Variants in TMPRSS9 observed in about 807,000 individuals in gnomAD.
The protein encoded by TMPRSS9 is transmembrane protease serine 9.
A neutral mutation model predicts 111.4 loss-of-function variants in TMPRSS9; 113 were observed. That is an observed-to-expected ratio of 1.01 (90% confidence interval 0.87 to 1.19). The LOEUF is 1.19. TMPRSS9 is among the 50% of genes most tolerant of loss of function. The pLI is 0.00. For missense variants in TMPRSS9, 1,803 were observed against 1,513.1 expected, an observed-to-expected ratio of 1.19 and a Z score of -3.18; for synonymous variants, 805 against 659.1, an observed-to-expected ratio of 1.22 and a Z score of -3.39.
At chr19:2,377,222 C>A (rs188103397) in intron 1 of TMPRSS9, among the ~76,000 whole-genome samples, 1 of 142,936 alleles carries the variant, frequency 7.0e-6, no homozygotes, top group African/African-American at 2.8e-5. Context: ...GTCAGTTCCT[C>A]GTACTTTCTT....
rs1251398413 is a variant in TMPRSS9 at position 2,396,672 on chromosome 19, G to A, written c.270+6G>A. 1.2e-5 allele frequency: 19 copies of A among 1,603,646 alleles called. No homozygotes were observed. The East Asian group carries it at 4.3e-4, about 36-fold the overall frequency. On this transcript the variant is annotated splice_donor_region_variant and intron_variant, in intron 2 of 17. Coordinates refer to ENST00000648592, the Ensembl canonical transcript of TMPRSS9. The stretch of plus-strand genomic sequence containing the variant: ...CGCCCACCCTGGAGGCACTGGTGAG[G>A]GTGGTCTGTGTTTGGGGGCCAGGGA...
At chr19:2,402,521 C>G (rs1970872400) in intron 5 of TMPRSS9, among the ~76,000 whole-genome samples, 1 of 151,988 alleles carries the variant, frequency 6.6e-6, no homozygotes, top group Non-Finnish European at 1.5e-5. Flanking sequence ...GGGTGGATCA[C>G]CTGAGGTCAG....
exon 12 of TMPRSS9, chr19:2,416,603 C>A (rs146529608): frequency 2.2e-5 from 35 of 1,612,420 alleles, no homozygotes; most frequent in African/African-American, 4.0e-5. Context: ...GGCGGGAGCC[C>A]GGTGAAGATC....
intron 1 of TMPRSS9, among the ~76,000 whole-genome samples, chr19:2,394,205 A>AAAAGAGAAGG (rs1970660521): frequency 7.8e-6 from 1 of 128,052 alleles, no homozygotes; most frequent in Non-Finnish European, 1.6e-5. Context: ...CTGTGTCAAG[A>AAAAGAGAAGG]AAAGAGAAGG....
intron 1 of TMPRSS9, among the ~76,000 whole-genome samples, chr19:2,367,571 T>C (rs1000552261): frequency 1.3e-5 from 2 of 151,258 alleles, no homozygotes; most frequent in African/African-American, 4.9e-5. Context: ...ATTTTTTTTT[T>C]TTTTTTTTTT....
chr19:2,363,750 T>G (rs970803860), intron 1 of TMPRSS9, among the ~76,000 whole-genome samples: 2 of 147,972 alleles, frequency 1.4e-5, no homozygotes, highest in Non-Finnish European at 3.0e-5. Flanking sequence ...TGCCCAGCAA[T>G]GTGGAGGAGT....
At chr19:2,413,382 G>C (rs1971140507) in intron 9 of TMPRSS9, among the ~76,000 whole-genome samples, 1 of 152,102 alleles carries the variant, frequency 6.6e-6, no homozygotes, top group Non-Finnish European at 1.5e-5. Context: ...CTAAGCAAGT[G>C]GTGACATTAT....
chr19:2,386,771 C>T (rs991527568), upstream of TMPRSS9, among the ~76,000 whole-genome samples: 1 of 151,704 alleles, frequency 6.6e-6, no homozygotes, highest in Non-Finnish European at 1.5e-5. Context: ...GCAGGTGGGT[C>T]ACTTGAGGCC....
chr19:2,412,398 C>T (rs1053560591), intron 9 of TMPRSS9, among the ~76,000 whole-genome samples: 3 of 151,986 alleles, frequency 2.0e-5, no homozygotes, highest in African/African-American at 4.8e-5. Flanking sequence ...AGTGAGACGC[C>T]GTCTCAAACA....
intron 4 of TMPRSS9, among the ~76,000 whole-genome samples, chr19:2,400,321 CA>C (rs1229984740): frequency 6.6e-6 from 1 of 152,034 alleles, no homozygotes; most frequent in Non-Finnish European, 1.5e-5. Context: ...GTGGGCTGAT[CA>C]CTTCAGATCA....
At chr19:2,410,203 G>A in intron 8 of TMPRSS9, 55 bp from the exon 10 acceptor site, 3 of 1,602,788 alleles carry the variant, frequency 1.9e-6, no homozygotes, top group Admixed American at 1.7e-5. Flanking sequence ...CCAGCTCAAA[G>A]TGGCTGCCAG....
At chr19:2,390,230 A>ATTTT (rs1568174999) in intron 1 of TMPRSS9, among the ~76,000 whole-genome samples, 1 of 125,850 alleles carries the variant, frequency 7.9e-6, no homozygotes, top group African/African-American at 3.3e-5. Flanking sequence ...TACCCAAAGT[A>ATTTT]GTTTTTTTTT....
chr19:2,377,719 C>T (rs143460750), intron 1 of TMPRSS9, among the ~76,000 whole-genome samples: 1,227 of 37,666 alleles, frequency 0.033, 32 homozygotes, highest in East Asian at 0.062. Context: ...CTCTCTCTCT[C>T]TTTATTTTTT....
chr19:2,397,468 C>T lies in TMPRSS9; in HGVS notation c.270+802C>T, dbSNP rs137965036. On this transcript the variant is annotated intron_variant, in intron 2 of 17. Coordinates refer to ENST00000648592, the Ensembl canonical transcript of TMPRSS9. ...ACCTAGGATGAACAGGGAAACACAG[C>T]GTGGCTATGCACACACTGGAATATG... 2.9e-3 allele frequency among the ~76,000 whole-genome samples: 445 copies of T among 152,016 alleles called. 2 individuals carry two copies. The highest frequency in any genetic ancestry group is 0.01 in the African/African-American group (419 of 41,462).
chr19:2,372,351 C>T (rs762741006), intron 1 of TMPRSS9, among the ~76,000 whole-genome samples: 4 of 148,976 alleles, frequency 2.7e-5, no homozygotes, highest in Non-Finnish European at 5.9e-5. Flanking sequence ...GCCAGTAACA[C>T]CCTCCTACGT....
At chr19:2,393,856 C>T (rs1441461089) in intron 1 of TMPRSS9, among the ~76,000 whole-genome samples, 1 of 143,466 alleles carries the variant, frequency 7.0e-6, no homozygotes, top group Non-Finnish European at 1.5e-5. Context: ...CGAGATCATG[C>T]CACTGCACTC....
intron 13 of TMPRSS9, among the ~76,000 whole-genome samples, chr19:2,421,509 G>C (rs990049895): frequency 6.6e-6 from 1 of 151,894 alleles, no homozygotes; most frequent in Non-Finnish European, 1.5e-5. Flanking sequence ...GGCTGGCCTG[G>C]AACTCCTGAC....
chr19:2,408,695 G>A, intron 8 of TMPRSS9, 65 bp downstream of exon 9: 1 of 1,556,958 alleles, frequency 6.4e-7, no homozygotes, highest in East Asian at 2.3e-5. Context: ...CGCAGAAAAG[G>A]GCCAGGTGAG....
At chr19:2,392,185 C>CA (rs1365905307) in intron 1 of TMPRSS9, among the ~76,000 whole-genome samples, 5 of 151,416 alleles carry the variant, frequency 3.3e-5, no homozygotes, top group African/African-American at 4.8e-5. Context: ...CCCATCTCTA[C>CA]AAAAAATTAA....
Sources: allele counts gnomAD v4.1 joint callset (sites outside exome capture counted in the v4.1 genomes callset), GRCh38; gene constraint gnomAD v4.1.1; transcripts MANE v1.5; gene names NCBI Gene and HGNC (gene_info 2026-07-23, HGNC 2026-07-21).